Variants in KALRN observed in about 807,000 individuals in gnomAD.
The protein encoded by KALRN is kalirin.
Under a neutral mutation model 353.7 loss-of-function variants are expected in KALRN, and 70 were observed. The observed-to-expected ratio is 0.20, with a 90% CI of 0.16 to 0.24. KALRN has a LOEUF of 0.24. KALRN is among the 10% of genes least tolerant of loss of function. The probability of loss-of-function intolerance (pLI) is 1.00; values close to 1 mark genes in which losing one functional copy is unlikely to be tolerated. For missense variants in KALRN, 2,791 were observed against 3,756.7 expected (o/e 0.74, Z 6.72); for synonymous variants, 1,391 against 1,434.8 (o/e 0.97, Z 0.69).
chr3:124,266,480 G>T (rs1451859194), intron 4 of KALRN, among the ~76,000 whole-genome samples: 5 of 152,088 alleles, frequency 3.3e-5, no homozygotes, highest in Non-Finnish European at 7.4e-5. Context: ...AATTTTCAAT[G>T]ACAATACATC....
chr3:124,146,874 C>CAAAAAAAAA (rs34633708), intron 1 of KALRN, among the ~76,000 whole-genome samples: 2,883 of 49,664 alleles, frequency 0.058, 653 homozygotes, highest in Non-Finnish European at 0.083. Context: ...GACTCTGTCT[C>CAAAAAAAAA]AAAAAAAAAA....
chr3:124,569,803 T>C (rs1246683351), intron 34 of KALRN, among the ~76,000 whole-genome samples: 2 of 152,214 alleles, frequency 1.3e-5, no homozygotes, highest in Admixed American at 6.5e-5. Context: ...CCCTCTCACC[T>C]CTGGCCCCAA....
chr3:124,104,122 T>C (rs2062094073), intron 1 of KALRN, among the ~76,000 whole-genome samples: 1 of 152,184 alleles, frequency 6.6e-6, no homozygotes, highest in Non-Finnish European at 1.5e-5. Flanking sequence ...CTATAATATA[T>C]CTTTGTGATG....
chr3:124,416,954 T>C (rs951367505), intron 14 of KALRN, among the ~76,000 whole-genome samples: 19 of 152,236 alleles, frequency 1.2e-4, no homozygotes, highest in African/African-American at 4.6e-4. Context: ...GGAATTTTTA[T>C]ATGCTTCTTT....
chr3:124,573,863 T>C (rs150380747), intron 34 of KALRN, among the ~76,000 whole-genome samples: 2 of 152,340 alleles, frequency 1.3e-5, no homozygotes, highest in Non-Finnish European at 2.9e-5. Context: ...TGAGATAATA[T>C]TTGATATATT....
In KALRN at chr3:124,710,432, TGA is replaced by T. The variant is rs765502311; in HGVS notation, c.8076-2499_8076-2498del. Among the ~76,000 whole-genome samples the T allele has an allele frequency of 4.2e-4, 64 of 152,350 alleles. 1 individual carries two copies. Among genetic ancestry groups the T allele is most frequent in the Middle Eastern group, 3.4e-3 (1 of 294 alleles). On this transcript the variant is annotated intron_variant, in intron 57 of 59. Coordinates refer to ENST00000682506, the MANE Select transcript of KALRN (RefSeq NM_001388419.1). ...GAAGTAGCCACTCAAAGCATACTAT[TGA>T]GAGTCATAGAAGTAAATATTTCAAT...
At chr3:124,162,292 T>C (rs1326346814) in intron 1 of KALRN, 1 of 152,066 alleles carries the variant, frequency 6.6e-6, no homozygotes, top group East Asian at 1.9e-4. Context: ...GTGGATATTA[T>C]AAAAGAAAGA....
intron 53 of KALRN, among the ~76,000 whole-genome samples, chr3:124,695,387 G>A (rs2062005721): frequency 6.6e-6 from 1 of 152,162 alleles, no homozygotes; most frequent in Admixed American, 6.5e-5. Flanking sequence ...GTGTGTATGG[G>A]AAAAAGAAGA....
At chr3:124,385,896 T>C (rs1235445997) in intron 11 of KALRN, among the ~76,000 whole-genome samples, 1 of 152,068 alleles carries the variant, frequency 6.6e-6, no homozygotes, top group African/African-American at 2.4e-5. Flanking sequence ...TGCATGCTTG[T>C]GTCCCCCCCC....
At chr3:124,606,764 A>C (rs967095627) in intron 34 of KALRN, among the ~76,000 whole-genome samples, 4 of 152,232 alleles carry the variant, frequency 2.6e-5, no homozygotes, top group Non-Finnish European at 1.5e-5. Flanking sequence ...ATGTATGAAG[A>C]GTTCTTATAA....
intron 7 of KALRN, 98 bp downstream of exon 7, chr3:124,326,269 C>A: frequency 1.1e-6 from 1 of 917,900 alleles, no homozygotes; most frequent in Non-Finnish European, 1.6e-6. Context: ...CTATAGGGAG[C>A]TCCACCTGTC....
intron 34 of KALRN, among the ~76,000 whole-genome samples, chr3:124,597,459 A>T (rs1284477772): frequency 1.3e-5 from 2 of 152,238 alleles, no homozygotes; most frequent in Non-Finnish European, 2.9e-5. Flanking sequence ...GCAGCCTGGG[A>T]TGATCTGGGA....
At chr3:124,543,344 C>G (rs1056578745) in intron 33 of KALRN, among the ~76,000 whole-genome samples, 1 of 151,756 alleles carries the variant, frequency 6.6e-6, no homozygotes, top group East Asian at 1.9e-4. Context: ...CTCTGTCCCC[C>G]AGGCTGGAGT....
Position 124,717,371 on chromosome 3 carries a change from C to T in KALRN, c.8401C>T (p.His2801Tyr), listed in dbSNP as rs572242981. 1 of 1,603,016 alleles carries T rather than the reference C, an allele frequency of 6.2e-7. No homozygotes were observed. The highest frequency in any genetic ancestry group is 1.1e-5 in the South Asian group (1 of 88,872). Residue 2801 changes from histidine (H) to tyrosine (Y), a missense_variant, in exon 59 of 60, where the codon CAT (histidine) becomes TAT (tyrosine). Coordinates refer to ENST00000682506, the MANE Select transcript of KALRN (RefSeq NM_001388419.1). Reference protein sequence around the residue: ...LQYLHNCRVAHLDIKPENLLI... With the variant: ...LQYLHNCRVAYLDIKPENLLI... ...GTACCTTCACAACTGCAGGGTTGCA[C>T]ATTTGGACATAAAGGTAATAAGAAG...
chr3:124,682,544 A>G (rs1294895320), intron 51 of KALRN, among the ~76,000 whole-genome samples: 1 of 152,178 alleles, frequency 6.6e-6, no homozygotes, highest in African/African-American at 2.4e-5. Context: ...ATAGGCTCTC[A>G]TCTCCTGCCT....
rs1221493763 is a variant in KALRN at position 124,456,659 on chromosome 3, G to A, written c.3785G>A (p.Arg1262Gln). ...ATTATCCCAGCAAGCCTTTCGGATC[G>A]GGAGGTCAAGCTGCGGGACGCCAAC... The part of the protein sequence containing the change: ...LDIIPASLSD[R>Q]EVKLRDANHE... The change falls in exon 23 of 60, where the codon CGG (arginine) becomes CAG (glutamine). Residue 1262 changes from arginine (R) to glutamine (Q), a missense_variant. Arg to Gln is a conservative substitution (Grantham distance 43). Coordinates refer to ENST00000682506, the MANE Select transcript of KALRN (RefSeq NM_001388419.1). 6.2e-6 allele frequency: 10 copies of A among 1,613,372 alleles called. No individual in the cohort carries two copies. Among genetic ancestry groups the A allele is most frequent in the African/African-American group, 4.0e-5 (3 of 75,008 alleles).
chr3:124,123,954 T>C (rs564523675), intron 1 of KALRN, among the ~76,000 whole-genome samples: 14 of 152,354 alleles, frequency 9.2e-5, no homozygotes, highest in Admixed American at 5.9e-4. Flanking sequence ...CTGATGGAGA[T>C]GTACAAGGAG....
intron 34 of KALRN, among the ~76,000 whole-genome samples, chr3:124,570,494 A>T (rs1412537149): frequency 6.6e-6 from 1 of 152,168 alleles, no homozygotes; most frequent in East Asian, 1.9e-4. Flanking sequence ...CTAGCCCACA[A>T]CATTTTCCTT....
chr3:124,423,804 G>A (rs990999904), intron 15 of KALRN, among the ~76,000 whole-genome samples: 6 of 152,218 alleles, frequency 3.9e-5, no homozygotes, highest in Non-Finnish European at 8.8e-5. Flanking sequence ...CCAGGAGTTT[G>A]AAGCTGCAGT....
Sources: gnomAD v4.1 joint callset for allele counts (sites outside exome capture counted in the v4.1 genomes callset) on GRCh38, gnomAD v4.1.1 for gene constraint, MANE v1.5 for transcripts, NCBI Gene and HGNC (gene_info 2026-07-23, HGNC 2026-07-21) for gene names.